KXD1: variants seen among roughly 807,000 people sequenced by gnomAD.
KXD1 encodes KxDL motif containing 1, also known as kxDL motif-containing protein 1.
A neutral mutation model predicts 12.1 loss-of-function variants in KXD1; 5 were observed. That is an observed-to-expected ratio of 0.41 (90% CI 0.22 to 0.87). The LOEUF is 0.87. KXD1 is among the 40% of genes least tolerant of loss of function. The pLI is 0.31. For missense variants in KXD1, 193 were observed against 244.9 expected (o/e 0.79, Z 1.41); for synonymous variants, 98 against 100.5 (o/e 0.98, Z 0.15).
chr19:18,568,288 C>T (rs994452362), intron 4 of KXD1, 114 bp from the exon 5 acceptor site: 4 of 676,210 alleles, frequency 5.9e-6, no homozygotes, highest in South Asian at 1.8e-5. Context: ...AAAAAAGGGT[C>T]AAGTCATACC....
chr19:18,566,149 T>TA (rs1451516448), intron 3 of KXD1, among the ~76,000 whole-genome samples: 1 of 151,678 alleles, frequency 6.6e-6, no homozygotes, highest in Non-Finnish European at 1.5e-5. Context: ...TATTTATTCT[T>TA]AAAAAATGTA....
At chr19:18,564,798 A>G in intron 2 of KXD1, 71 bp from the exon 3 acceptor site, 1 of 1,555,390 alleles carries the variant, frequency 6.4e-7, no homozygotes, top group Non-Finnish European at 8.8e-7. Context: ...TGGCATGAAC[A>G]GTCTTCTGGG....
chr19:18,564,111 T>G (rs758738238), intron 2 of KXD1, among the ~76,000 whole-genome samples: 2 of 151,942 alleles, frequency 1.3e-5, no homozygotes, highest in Admixed American at 6.6e-5. Flanking sequence ...GGTCTCGAAC[T>G]CCTGACCTCA....
chr19:18,567,772 C>T (rs961234411), intron 4 of KXD1, among the ~76,000 whole-genome samples: 3 of 152,342 alleles, frequency 2.0e-5, no homozygotes, highest in Admixed American at 1.3e-4. Flanking sequence ...GCTCTCCATC[C>T]CAGGGCCTCC....
chr19:18,562,811 C>G (rs1974987836), intron 2 of KXD1, among the ~76,000 whole-genome samples: 2 of 152,204 alleles, frequency 1.3e-5, no homozygotes, highest in African/African-American at 4.8e-5. Flanking sequence ...AAGGACTAGT[C>G]TCCCAGAGCC....
At chr19:18,568,323 G>A in intron 4 of KXD1, 79 bp from the exon 5 acceptor site, 2 of 1,051,376 alleles carry the variant, frequency 1.9e-6, no homozygotes, top group Non-Finnish European at 2.9e-6. Context: ...GCAGCCGTTA[G>A]GGGTCACATG....
intron 3 of KXD1, among the ~76,000 whole-genome samples, chr19:18,565,353 C>T (rs1039207777): frequency 1.3e-5 from 2 of 151,736 alleles, no homozygotes; most frequent in East Asian, 1.9e-4. Context: ...CCTCAGTCTC[C>T]GGAGTAGCTG....
At chr19:18,565,887 C>T (rs528232934) in intron 3 of KXD1, among the ~76,000 whole-genome samples, 6 of 152,234 alleles carry the variant, frequency 3.9e-5, no homozygotes, top group South Asian at 2.1e-4. Context: ...GAGATTTCAC[C>T]GTGTTGCCCA....
chr19:18,568,748 GGCT>G lies in KXD1; in HGVS notation c.*118_*120del. 1 of 725,176 alleles carries G rather than the reference GGCT, an allele frequency of 1.4e-6. No homozygotes were observed. The highest frequency in any genetic ancestry group is 2.7e-5 in the Admixed American group (1 of 37,348). The allele number at this position is 725,176 out of a possible 1,614,324, so 44.9% of individuals were successfully genotyped here. On this transcript the variant is annotated 3_prime_UTR_variant, in exon 5 of 5. Coordinates refer to ENST00000222307, the MANE Select transcript of KXD1 (RefSeq NM_024069.4). ...TTTGCTGCCCCGTTCTGTCACCCAG[GGCT>G]CCTAGGGGGACAAGGCTCTCTCCCG...
chr19:18,563,331 C>T (rs1041205906), intron 2 of KXD1, among the ~76,000 whole-genome samples: 1 of 146,892 alleles, frequency 6.8e-6, no homozygotes, highest in African/African-American at 2.5e-5. Flanking sequence ...TAGTACCTGT[C>T]TCTCTCCTGT....
At chr19:18,561,376 A>C (rs1345989495) in intron 1 of KXD1, 8 of 152,262 alleles carry the variant, frequency 5.3e-5, no homozygotes. Flanking sequence ...AAAATGGTGA[A>C]ACCCCGTCTC....
intron 4 of KXD1, chr19:18,567,408 G>T: frequency 1.5e-6 from 1 of 662,124 alleles, no homozygotes; most frequent in Non-Finnish European, 2.7e-6. Flanking sequence ...CCGCACAGGA[G>T]AATGTGGATA....
intron 1 of KXD1, chr19:18,558,260 TC>T (rs1202827985): frequency 2.0e-5 from 3 of 152,130 alleles, no homozygotes; most frequent in African/African-American, 7.2e-5. Context: ...TTTGAGCCCC[TC>T]CCCACTTGGG....
chr19:18,564,937 A>G lies in KXD1; in HGVS notation c.170A>G (p.Gln57Arg), dbSNP rs764796794. Residue 57 changes from glutamine to arginine, a missense_variant, in exon 3 of 5, where the codon CAG (glutamine) becomes CGG (arginine). Transcript: ENST00000222307. ...NFNNLSSARLQQMSERFLHHT... is the reference protein window; with the variant it reads ...NFNNLSSARLRQMSERFLHHT... ...AACAACCTGTCCAGTGCCCGCCTGC[A>G]GCAGATGAGCGAACGCTTCCTGCAC... 2 of 1,613,466 alleles carry G rather than the reference A, an allele frequency of 1.2e-6. No homozygotes were observed. Among genetic ancestry groups the G allele is most frequent in the Non-Finnish European group, 1.7e-6 (2 of 1,180,040 alleles).
intron 3 of KXD1, 138 bp downstream of exon 3, chr19:18,565,159 G>A (rs1338894339): frequency 6.9e-7 from 1 of 1,453,084 alleles, no homozygotes; most frequent in Non-Finnish European, 9.0e-7. Flanking sequence ...TAAGTGTCTG[G>A]GACAATTCCA....
chr19:18,562,477 T>C lies in KXD1; in HGVS notation c.101+320T>C, dbSNP rs145718088. Among the ~76,000 whole-genome samples, 450 of 152,302 alleles carry C rather than the reference T, an allele frequency of 3.0e-3. 4 individuals are homozygous for C. In the Middle Eastern group the frequency reaches 0.037, roughly 13 times the overall value. Reference sequence around the variant, plus strand: ...TTTTTGTTTATTTGTTTCTTGTTTTTGAGACAGAGTTTTGCTCTTGTTGCC... The same window carrying C: ...TTTTTGTTTATTTGTTTCTTGTTTTCGAGACAGAGTTTTGCTCTTGTTGCC... On this transcript the variant is annotated intron_variant, in intron 2 of 4. Transcript: ENST00000222307.
intron 2 of KXD1, among the ~76,000 whole-genome samples, chr19:18,564,661 T>A (rs550259494): frequency 6.6e-6 from 1 of 152,112 alleles, no homozygotes. Flanking sequence ...CAAGGCTACA[T>A]GAGAAGGACA....
chr19:18,558,011 G>C (rs1239720518), intron 1 of KXD1, 97 bp downstream of exon 1: 1 of 152,380 alleles, frequency 6.6e-6, no homozygotes, highest in Non-Finnish European at 1.5e-5. Context: ...CCCCCGGGCT[G>C]CGGTGGGGTG....
At chr19:18,561,656 A>G (rs1974921409) in intron 1 of KXD1, 1 of 158,170 alleles carries the variant, frequency 6.3e-6, no homozygotes. Flanking sequence ...GGAGGTGGTG[A>G]TGATTTGCTG....
Sources: gnomAD v4.1 joint callset for allele counts (sites outside exome capture counted in the v4.1 genomes callset) on GRCh38, gnomAD v4.1.1 for gene constraint, MANE v1.5 for transcripts, NCBI Gene and HGNC (gene_info 2026-07-23, HGNC 2026-07-21) for gene names.